The following VPS13B variants were observed in gnomAD, a reference collection of about 807,000 sequenced individuals.
VPS13B encodes the protein vacuolar protein sorting 13 homolog B.
In VPS13B, 285 loss-of-function variants were observed where a neutral mutation model predicts 426.4. The observed-to-expected ratio is 0.67, with a 90% confidence interval of 0.61 to 0.74. The LOEUF (loss-of-function observed/expected upper bound fraction) is 0.74, where lower values mean the gene tolerates loss of function less well. VPS13B is among the 30% of genes least tolerant of loss of function. The pLI is 0.00. For synonymous variants in VPS13B, 1,676 were observed against 1,676.4 expected (o/e 1.00, Z 0.01); for missense variants, 4,537 against 4,782.6 (o/e 0.95, Z 1.51).
At chr8:99,454,702 A>G (rs760250473) in intron 23 of VPS13B, among the ~76,000 whole-genome samples, 35 of 152,272 alleles carry the variant, frequency 2.3e-4, no homozygotes, top group Middle Eastern at 3.4e-3. Context: ...TAGTTCGGTA[A>G]TATACCACCA....
chr8:99,401,259 CT>C (rs1447232189), intron 21 of VPS13B, among the ~76,000 whole-genome samples: 1 of 151,980 alleles, frequency 6.6e-6, no homozygotes, highest in African/African-American at 2.4e-5. Context: ...ATAGTATTGC[CT>C]TTTTTATTCA....
intron 25 of VPS13B, among the ~76,000 whole-genome samples, chr8:99,497,095 T>C (rs891732954): frequency 7.2e-6 from 1 of 139,260 alleles, no homozygotes; most frequent in Non-Finnish European, 1.5e-5. Flanking sequence ...TAAATATATA[T>C]ATTTATGTAA....
intron 30 of VPS13B, among the ~76,000 whole-genome samples, chr8:99,553,129 A>G (rs989574035): frequency 2.6e-5 from 4 of 152,108 alleles, no homozygotes; most frequent in Non-Finnish European, 5.9e-5. Context: ...GAAAATCAGT[A>G]TCTGCAGGAT....
chr8:99,649,625 TACAC>T (rs57697283), intron 34 of VPS13B, among the ~76,000 whole-genome samples: 7,091 of 146,358 alleles, frequency 0.048, 191 homozygotes, highest in African/African-American at 0.072. Flanking sequence ...CCCCTCTACA[TACAC>T]ACACACACAC....
intron 36 of VPS13B, among the ~76,000 whole-genome samples, chr8:99,708,108 T>C (rs1832562478): frequency 6.6e-6 from 1 of 152,210 alleles, no homozygotes; most frequent in East Asian, 1.9e-4. Context: ...TATTTGCTAT[T>C]ATTCTTTCCT....
intron 20 of VPS13B, among the ~76,000 whole-genome samples, chr8:99,387,256 T>G (rs956099909): frequency 2.0e-5 from 3 of 152,122 alleles, no homozygotes; most frequent in Non-Finnish European, 4.4e-5. Flanking sequence ...CTTGCTCTGT[T>G]GCCCAGGCTG....
intron 3 of VPS13B, among the ~76,000 whole-genome samples, chr8:99,083,567 C>T (rs1397022039): frequency 7.0e-6 from 1 of 143,502 alleles, no homozygotes; most frequent in East Asian, 2.0e-4. Context: ...AGTTTTTGCC[C>T]ATTCAATATG....
intron 43 of VPS13B, among the ~76,000 whole-genome samples, chr8:99,793,567 T>A (rs564981356): frequency 6.6e-6 from 1 of 152,082 alleles, no homozygotes; most frequent in Admixed American, 6.5e-5. Context: ...TCACCAGGAT[T>A]TATTATTGAT....
intron 33 of VPS13B, among the ~76,000 whole-genome samples, chr8:99,620,378 A>C (rs957073695): frequency 6.6e-6 from 1 of 152,186 alleles, no homozygotes; most frequent in African/African-American, 2.4e-5. Flanking sequence ...GGTTTCCTGC[A>C]TTGAAACTCC....
At chr8:99,447,976 G>A (rs1262142910) in intron 23 of VPS13B, among the ~76,000 whole-genome samples, 1 of 151,160 alleles carries the variant, frequency 6.6e-6, no homozygotes, top group Non-Finnish European at 1.5e-5. Context: ...CAAAACTCCT[G>A]CCAACATCTA....
intron 22 of VPS13B, among the ~76,000 whole-genome samples, chr8:99,440,736 G>A (rs1307630686): frequency 1.4e-4 from 21 of 151,894 alleles, no homozygotes. Flanking sequence ...TAATGTTTTT[G>A]ATTTTGGAAA....
chr8:99,434,493 A>G lies in VPS13B; in HGVS notation c.3210+2829A>G, dbSNP rs186909562. Among the ~76,000 whole-genome samples, 264 of 152,340 alleles carry G rather than the reference A, an allele frequency of 1.7e-3. 3 individuals carry two copies. Among genetic ancestry groups the G allele is most frequent in the Non-Finnish European group, 3.3e-3 (226 of 68,024 alleles). On this transcript the variant is annotated intron_variant, in intron 22 of 61. Transcript: ENST00000357162. The stretch of plus-strand genomic sequence containing the variant: ...TTACATTTGTGGTGATTTCTTATAT[A>G]GCATAGAAAATTAATATAGACAGAT...
chr8:99,858,097 G>A (rs1816645445), intron 56 of VPS13B, among the ~76,000 whole-genome samples: 1 of 152,218 alleles, frequency 6.6e-6, no homozygotes, highest in East Asian at 1.9e-4. Flanking sequence ...TTCAGAGCCT[G>A]CTGGTGAAGG....
intron 19 of VPS13B, among the ~76,000 whole-genome samples, chr8:99,311,067 C>A (rs2133098448): frequency 6.6e-6 from 1 of 152,072 alleles, no homozygotes; most frequent in South Asian, 2.1e-4. Flanking sequence ...CTCTTTTCTT[C>A]TTTATTAGTC....
At chr8:99,635,768 A>G (rs1220938516) in intron 33 of VPS13B, among the ~76,000 whole-genome samples, 1 of 152,014 alleles carries the variant, frequency 6.6e-6, no homozygotes, top group Admixed American at 6.6e-5. Context: ...GTTTCAATCA[A>G]GCTTCCCCAA....
At chr8:99,444,410 T>G (rs985756015) in intron 23 of VPS13B, among the ~76,000 whole-genome samples, 1 of 152,222 alleles carries the variant, frequency 6.6e-6, no homozygotes, top group Non-Finnish European at 1.5e-5. Context: ...TTAAAGTGTT[T>G]TTAAGAACTG....
intron 3 of VPS13B, among the ~76,000 whole-genome samples, chr8:99,093,563 T>C (rs915607051): frequency 5.3e-5 from 7 of 133,000 alleles, no homozygotes; most frequent in African/African-American, 1.7e-4. Context: ...CAGAGTGCGA[T>C]GTTCCCCTTC....
chr8:99,523,332 A>G (rs1372832218), intron 30 of VPS13B, among the ~76,000 whole-genome samples: 6 of 152,230 alleles, frequency 3.9e-5, no homozygotes, highest in African/African-American at 9.6e-5. Flanking sequence ...TGGCTTTTCT[A>G]TCTGCTGATT....
chr8:99,290,342 C>A (rs1034731202), intron 19 of VPS13B, among the ~76,000 whole-genome samples: 1 of 152,158 alleles, frequency 6.6e-6, no homozygotes, highest in African/African-American at 2.4e-5. Flanking sequence ...ATGATGAATT[C>A]ATGTCCTTTG....
Sources: allele counts gnomAD v4.1 joint callset (sites outside exome capture counted in the v4.1 genomes callset), GRCh38; gene constraint gnomAD v4.1.1; transcripts MANE v1.5; gene names NCBI Gene and HGNC (gene_info 2026-07-23, HGNC 2026-07-21).